TMEM132C: variants seen among roughly 807,000 people sequenced by gnomAD.
The protein encoded by TMEM132C is protein phosphatase 1, regulatory subunit 152.
TMEM132C carries 29 observed loss-of-function variants against 61.4 expected under a neutral mutation model. That is an observed-to-expected ratio of 0.47 (90% confidence interval 0.35 to 0.64). The LOEUF is 0.64. Among genes scored for constraint, TMEM132C ranks in the 30% least tolerant of loss-of-function variants. TMEM132C has a pLI of 0.00. For synonymous variants in TMEM132C, 656 were observed against 633.1 expected (o/e 1.04, Z -0.54); for missense variants, 1,408 against 1,476.9 (o/e 0.95, Z 0.76).
chr12:128,286,948 G>A lies in TMEM132C; in HGVS notation c.85+19461G>A, dbSNP rs528791625. Among the ~76,000 whole-genome samples the A allele has an allele frequency of 1.5e-3, 226 of 152,332 alleles. 2 individuals are homozygous for A. The highest frequency in any genetic ancestry group is 2.5e-3 in the Non-Finnish European group (171 of 68,024). On this transcript the variant is annotated intron_variant, in intron 1 of 8. Transcript: ENST00000435159. ...TTGGTCAAGAGAATAAGAGAAAGAA[G>A]ACGAAGAAAAACTATGTTATCTCTG...
Position 128,322,475 on chromosome 12 carries a change from A to G in TMEM132C, c.85+54988A>G, listed in dbSNP as rs577193890. ...TTTTGACACAGCAATAAGTTACTGGACTACCTTCTTTCCAAACACTACACA... is the reference window on the plus strand; with the variant it reads ...TTTTGACACAGCAATAAGTTACTGGGCTACCTTCTTTCCAAACACTACACA... On this transcript the variant is annotated intron_variant, in intron 1 of 8. Transcript: ENST00000435159. Among the ~76,000 whole-genome samples, 5 of 152,388 alleles carry G rather than the reference A, an allele frequency of 3.3e-5. No individual in the cohort carries two copies. The East Asian group carries it at 7.7e-4, about 24-fold the overall frequency.
chr12:128,298,610 C>T (rs1341970208), intron 1 of TMEM132C, among the ~76,000 whole-genome samples: 2 of 152,208 alleles, frequency 1.3e-5, no homozygotes, highest in Non-Finnish European at 2.9e-5. Context: ...TAACTGCCTG[C>T]AGCCACTGCT....
chr12:128,627,148 G>T (rs1281874984), intron 4 of TMEM132C, among the ~76,000 whole-genome samples: 1 of 152,220 alleles, frequency 6.6e-6, no homozygotes, highest in South Asian at 2.1e-4. Flanking sequence ...CCAAGATGGT[G>T]CTGACAGCTG....
At chr12:128,387,328 G>T (rs1415181906) in intron 1 of TMEM132C, among the ~76,000 whole-genome samples, 1 of 152,106 alleles carries the variant, frequency 6.6e-6, no homozygotes, top group Non-Finnish European at 1.5e-5. Context: ...CAGATCTGGG[G>T]CTTCTGCACC....
At chr12:128,407,506 T>C (rs1282825546) in intron 1 of TMEM132C, among the ~76,000 whole-genome samples, 2 of 152,216 alleles carry the variant, frequency 1.3e-5, no homozygotes, top group East Asian at 1.9e-4. Context: ...CAAGGCCTCC[T>C]GAGTCTCAGG....
chr12:128,670,102 G>A (rs1174550544), intron 5 of TMEM132C, among the ~76,000 whole-genome samples: 1 of 152,100 alleles, frequency 6.6e-6, no homozygotes, highest in Non-Finnish European at 1.5e-5. Context: ...CTGAGGTCAG[G>A]AGTTCTAGAC....
At chr12:128,426,910 C>G (rs149349588) in intron 2 of TMEM132C, among the ~76,000 whole-genome samples, 4 of 152,136 alleles carry the variant, frequency 2.6e-5, no homozygotes, top group Non-Finnish European at 5.9e-5. Context: ...TCTTAGTTTT[C>G]GAGTTCTCCA....
At chr12:128,521,418 G>A (rs1393545800) in intron 2 of TMEM132C, among the ~76,000 whole-genome samples, 1 of 151,044 alleles carries the variant, frequency 6.6e-6, no homozygotes, top group Non-Finnish European at 1.5e-5. Context: ...ATTTACATTA[G>A]GTATTCCTCC....
chr12:128,272,068 C>T (rs1459364954), intron 1 of TMEM132C, among the ~76,000 whole-genome samples: 1 of 152,136 alleles, frequency 6.6e-6, no homozygotes, highest in Non-Finnish European at 1.5e-5. Flanking sequence ...TAAAATTCAC[C>T]TCTTTGAGTG....
chr12:128,491,093 T>C (rs1278675626), intron 2 of TMEM132C, among the ~76,000 whole-genome samples: 1 of 152,208 alleles, frequency 6.6e-6, no homozygotes. Context: ...GACCAAATCC[T>C]TGACCATAGT....
At chr12:128,566,608 T>C (rs999213601) in intron 3 of TMEM132C, among the ~76,000 whole-genome samples, 54 of 152,320 alleles carry the variant, frequency 3.5e-4, no homozygotes, top group African/African-American at 1.3e-3. Flanking sequence ...AAATTACTTC[T>C]GAGTTTGAAT....
chr12:128,324,001 C>A (rs939830303), intron 1 of TMEM132C, among the ~76,000 whole-genome samples: 2 of 152,198 alleles, frequency 1.3e-5, no homozygotes, highest in African/African-American at 4.8e-5. Context: ...GCTTAAAATG[C>A]AGTCGTTTCA....
intron 4 of TMEM132C, among the ~76,000 whole-genome samples, chr12:128,640,193 A>G (rs1365720520): frequency 6.6e-6 from 1 of 152,196 alleles, no homozygotes; most frequent in African/African-American, 2.4e-5. Context: ...AATGTGTGTA[A>G]TTAGCACAGG....
chr12:128,552,086 G>A (rs966133689), intron 3 of TMEM132C, among the ~76,000 whole-genome samples: 12 of 152,208 alleles, frequency 7.9e-5, no homozygotes, highest in East Asian at 1.9e-4. Flanking sequence ...GCTCCCCAGC[G>A]GGGTCGGTGT....
rs542419265 is a variant in TMEM132C at position 128,576,434 on chromosome 12, A to G, written c.1121+32331A>G. ...GTTGAGTTATATATGTACTCAGTTA[A>G]TTAAAACAGCCCGTGAGTGGGCAGC... On this transcript the variant is annotated intron_variant, in intron 3 of 8. Coordinates refer to ENST00000435159, the MANE Select transcript of TMEM132C (RefSeq NM_001136103.3). Among the ~76,000 whole-genome samples the G allele has an allele frequency of 4.6e-5, 7 of 152,318 alleles. No individual in the cohort carries two copies. The South Asian group carries it at 1.0e-3, about 23-fold the overall frequency.
rs116962231 is a variant in TMEM132C at position 128,423,744 on chromosome 12, G to A, written c.974+8124G>A. On this transcript the variant is annotated intron_variant, in intron 2 of 8. Transcript: ENST00000435159. ...AAGTGGATTTCACCTCCTTTAAAAG[G>A]ACTTTGGGGCCAGTGATGGTGGCTC... Among the ~76,000 whole-genome samples the A allele has an allele frequency of 1.5e-4, 23 of 151,812 alleles. 1 individual carries two copies. In the East Asian group the frequency reaches 4.1e-3, roughly 27 times the overall value.
chr12:128,349,331 C>A (rs1565908750), intron 1 of TMEM132C, among the ~76,000 whole-genome samples: 2 of 152,146 alleles, frequency 1.3e-5, no homozygotes, highest in Non-Finnish European at 1.5e-5. Flanking sequence ...GGCAGAGTCA[C>A]CACCATCAAA....
chr12:128,517,201 A>G (rs879439235), intron 2 of TMEM132C, among the ~76,000 whole-genome samples: 3 of 151,826 alleles, frequency 2.0e-5, no homozygotes, highest in Non-Finnish European at 4.4e-5. Context: ...ACGGCACTCC[A>G]GCCTGAGTGA....
At position 128,521,872 on chromosome 12, in the gene TMEM132C, A is replaced by G. The variant is rs142245702; in HGVS notation, c.975-22085A>G. Reference sequence around the variant, plus strand: ...AAGAATATTGTATGTAAAAATCCCTATCAACGGCTTCTTGTTCAAAATTAT... The same window carrying G: ...AAGAATATTGTATGTAAAAATCCCTGTCAACGGCTTCTTGTTCAAAATTAT... On this transcript the variant is annotated intron_variant, in intron 2 of 8. Transcript: ENST00000435159. Among the ~76,000 whole-genome samples the G allele has an allele frequency of 2.2e-3, 337 of 152,300 alleles. 3 individuals carry two copies. The highest frequency in any genetic ancestry group is 7.5e-3 in the African/African-American group (311 of 41,558).
Sources: allele counts gnomAD v4.1 joint callset (sites outside exome capture counted in the v4.1 genomes callset), GRCh38; gene constraint gnomAD v4.1.1; transcripts MANE v1.5; gene names NCBI Gene and HGNC (gene_info 2026-07-23, HGNC 2026-07-21).